The following RBM26 variants were observed in gnomAD, a reference collection of about 807,000 sequenced individuals.
RBM26 encodes the protein RNA-binding protein 26.
In RBM26, 30 loss-of-function variants were observed where a neutral mutation model predicts 123.6. That is an observed-to-expected ratio of 0.24 (90% CI 0.18 to 0.33). The LOEUF (loss-of-function observed/expected upper bound fraction) is 0.33. Ranked by LOEUF, RBM26 falls within the 10% of genes least tolerant of loss-of-function variation. RBM26 has a pLI of 1.00. For missense variants in RBM26, 947 were observed against 1,203.6 expected (o/e 0.79, Z 3.15); for synonymous variants, 400 against 404.4 (o/e 0.99, Z 0.13).
At chr13:79,393,728 GGGGGT>G (rs2078301056) in intron 1 of RBM26, among the ~76,000 whole-genome samples, 1 of 152,270 alleles carries the variant, frequency 6.6e-6, no homozygotes, top group African/African-American at 2.4e-5. Flanking sequence ...ATCACCTTGT[GGGGGT>G]GGGAAGGACC....
intron 1 of RBM26, among the ~76,000 whole-genome samples, chr13:79,390,952 A>G (rs527903970): frequency 3.6e-4 from 55 of 152,334 alleles, no homozygotes; most frequent in South Asian, 1.9e-3. Context: ...CCAAATACAC[A>G]TAAGAACTTA....
At chr13:79,390,405 T>C (rs770204531) in intron 1 of RBM26, among the ~76,000 whole-genome samples, 5 of 152,116 alleles carry the variant, frequency 3.3e-5, no homozygotes, top group Non-Finnish European at 7.4e-5. Context: ...TAATATATAG[T>C]GTAAAAAAGG....
intron 5 of RBM26, among the ~76,000 whole-genome samples, chr13:79,369,737 G>T (rs1426647195): frequency 6.6e-6 from 1 of 152,060 alleles, no homozygotes; most frequent in Non-Finnish European, 1.5e-5. Flanking sequence ...GGAATGACAC[G>T]CTCTTGCAAA....
chr13:79,380,821 C>T (rs2140259314), intron 1 of RBM26, among the ~76,000 whole-genome samples: 1 of 152,172 alleles, frequency 6.6e-6, no homozygotes, highest in East Asian at 1.9e-4. Context: ...CTACTTTCTA[C>T]TTATATGAGA....
intron 1 of RBM26, among the ~76,000 whole-genome samples, chr13:79,382,119 T>C (rs981398130): frequency 6.6e-6 from 1 of 152,134 alleles, no homozygotes; most frequent in Non-Finnish European, 1.5e-5. Context: ...ACCTATGTTC[T>C]CTTTTCTATT....
chr13:79,391,818 C>T (rs772056704), intron 1 of RBM26, among the ~76,000 whole-genome samples: 3 of 151,532 alleles, frequency 2.0e-5, no homozygotes, highest in Non-Finnish European at 4.4e-5. Flanking sequence ...TCACAATTTC[C>T]CTAATACATG....
chr13:79,361,140 A>AT (rs1191688494), intron 9 of RBM26, among the ~76,000 whole-genome samples: 4 of 152,110 alleles, frequency 2.6e-5, no homozygotes, highest in Non-Finnish European at 4.4e-5. Context: ...TTTTCATATT[A>AT]AGTCTATCTT....
intron 6 of RBM26, among the ~76,000 whole-genome samples, 161 bp downstream of exon 6, chr13:79,368,569 T>C (rs1295482938): frequency 1.3e-5 from 2 of 152,220 alleles, no homozygotes; most frequent in African/African-American, 4.8e-5. Flanking sequence ...TAGTGGCAAC[T>C]AATAAATGTT....
intron 1 of RBM26, among the ~76,000 whole-genome samples, chr13:79,387,713 C>T (rs2077607471): frequency 6.6e-6 from 1 of 152,112 alleles, no homozygotes; most frequent in South Asian, 2.1e-4. Flanking sequence ...TAGTACATAG[C>T]ATTAGAATCT....
intron 18 of RBM26, among the ~76,000 whole-genome samples, chr13:79,339,455 G>A (rs1034333449): frequency 2.6e-5 from 4 of 152,124 alleles, no homozygotes; most frequent in Non-Finnish European, 2.9e-5. Context: ...TATGTGGGGT[G>A]ATGGACATGT....
chr13:79,351,399 G>A (rs1029597201), intron 14 of RBM26, among the ~76,000 whole-genome samples: 15 of 152,106 alleles, frequency 9.9e-5, no homozygotes, highest in African/African-American at 3.6e-4. Flanking sequence ...CACTTCCAGT[G>A]TTTCTTTTTT....
At chr13:79,368,658 A>T in intron 6 of RBM26, 72 bp downstream of exon 6, 1 of 1,436,982 alleles carries the variant, frequency 7.0e-7, no homozygotes, top group South Asian at 1.3e-5. Flanking sequence ...ATAACTATGT[A>T]CAACATAAAC....
At chr13:79,322,492 G>T in intron 20 of RBM26, 30 bp from the exon 21 acceptor site, 1 of 1,434,006 alleles carries the variant, frequency 7.0e-7, no homozygotes, top group Non-Finnish European at 9.4e-7. Context: ...TGGAATATAA[G>T]ACATTAAAAA....
chr13:79,404,102 CAT>C (rs2079296640), intron 1 of RBM26, among the ~76,000 whole-genome samples: 1 of 152,130 alleles, frequency 6.6e-6, no homozygotes, highest in Non-Finnish European at 1.5e-5. Flanking sequence ...GTTTTAGACT[CAT>C]ATATTCAATG....
Position 79,338,472 on chromosome 13 carries a change from C to T in RBM26, c.2533-1170G>A, listed in dbSNP as rs534816065. 9.2e-5 allele frequency among the ~76,000 whole-genome samples: 14 copies of T among 152,052 alleles called. No individual in the cohort carries two copies. In the South Asian group the frequency reaches 2.9e-3, roughly 32 times the overall value. On this transcript the variant is annotated intron_variant, in intron 18 of 21. Coordinates refer to ENST00000438737, the MANE Select transcript of RBM26 (RefSeq NM_001366735.2). ...AAAGGCAAGAATGAGGTAGGGGTTACGGCATGAAAAAAGGCACCAACGCTG... is the reference window on the plus strand; with the variant it reads ...AAAGGCAAGAATGAGGTAGGGGTTATGGCATGAAAAAAGGCACCAACGCTG...
downstream of RBM26, chr13:79,314,437 AG>A (rs557916866): frequency 7.2e-5 from 11 of 151,926 alleles, no homozygotes; most frequent in African/African-American, 2.6e-4. Context: ...AACATCAGAA[AG>A]TATATTCAGA....
chr13:79,315,229 A>G (rs1382148170), downstream of RBM26, among the ~76,000 whole-genome samples: 1 of 151,822 alleles, frequency 6.6e-6, no homozygotes, highest in African/African-American at 2.4e-5. Flanking sequence ...ATCACAGCAT[A>G]CAACATATCT....
rs1003266669 is a variant in RBM26 at position 79,377,410 on chromosome 13, G to A, written c.296C>T (p.Pro99Leu). Residue 99 changes from proline to leucine, a missense_variant, in exon 3 of 22, where the codon CCA (proline) becomes CTA (leucine). Transcript: ENST00000438737. ...SSGSLKVEFF[P>L]HQEKDIKKEE... Reference sequence around the variant, plus strand: ...CTTCTTTATATCTTTTTCTTGGTGTGGAAAAAATTCTACCTTCAGGCTTCC... The same window carrying A: ...CTTCTTTATATCTTTTTCTTGGTGTAGAAAAAATTCTACCTTCAGGCTTCC... The A allele has an allele frequency of 9.3e-6, 15 of 1,613,466 alleles. No individual in the cohort carries two copies. The highest frequency in any genetic ancestry group is 1.2e-5 in the Non-Finnish European group (14 of 1,179,634).
chr13:79,351,907 G>T (rs906925951), intron 14 of RBM26, among the ~76,000 whole-genome samples: 1 of 152,126 alleles, frequency 6.6e-6, no homozygotes, highest in African/African-American at 2.4e-5. Flanking sequence ...TGCACCCAGA[G>T]GCTAGGGAAC....
Sources: allele counts gnomAD v4.1 joint callset (sites outside exome capture counted in the v4.1 genomes callset), GRCh38; gene constraint gnomAD v4.1.1; transcripts MANE v1.5; gene names NCBI Gene and HGNC (gene_info 2026-07-23, HGNC 2026-07-21).